The following SUPT3H variants were observed in gnomAD, a reference collection of about 807,000 sequenced individuals.
SUPT3H encodes SPT3 homolog, SAGA and STAGA complex component.
In SUPT3H, 44 loss-of-function variants were observed where a neutral mutation model predicts 44.3. The observed-to-expected ratio is 0.99, with a 90% CI of 0.78 to 1.28. SUPT3H has a LOEUF of 1.28. Ranked by LOEUF, SUPT3H falls within the 50% of genes most tolerant of loss-of-function variation. The pLI, the probability that SUPT3H is intolerant of heterozygous loss-of-function variation, is 0.00. For synonymous variants in SUPT3H, 124 were observed against 125.6 expected (o/e 0.99, Z 0.09); for missense variants, 380 against 387.1 (o/e 0.98, Z 0.15).
chr6:45,340,395 C>T lies in SUPT3H; in HGVS notation c.101+24806G>A, dbSNP rs562608351. On this transcript the variant is annotated intron_variant, in intron 2 of 10. Transcript: ENST00000371459. Reference sequence around the variant, plus strand: ...CTAGAGTGCACTGGCATGATCACAGCTCACTGCAACTTTGACCTCCTGAGC... The same window carrying T: ...CTAGAGTGCACTGGCATGATCACAGTTCACTGCAACTTTGACCTCCTGAGC... Among the ~76,000 whole-genome samples, 14 of 152,258 alleles carry T rather than the reference C, an allele frequency of 9.2e-5. No individual in the cohort carries two copies. The South Asian group carries it at 2.9e-3, about 32-fold the overall frequency.
rs574109169 is a variant in SUPT3H, at chr6:45,133,580, C to T, written c.102-27574G>A. ...TGAAAAACAACAACAACTATTTCAG[C>T]ACTCAGAAAACCAACCATAGGCTTA... On this transcript the variant is annotated intron_variant, in intron 2 of 10. Transcript: ENST00000371459. Among the ~76,000 whole-genome samples the T allele has an allele frequency of 5.3e-4, 81 of 152,260 alleles. No individual in the cohort carries two copies. In the South Asian group the frequency reaches 0.016, roughly 30 times the overall value.
chr6:44,890,929 A>G (rs1582270227), intron 10 of SUPT3H, among the ~76,000 whole-genome samples: 2 of 151,980 alleles, frequency 1.3e-5, no homozygotes, highest in East Asian at 3.9e-4. Flanking sequence ...GAGTTGAACA[A>G]TAAGAACACA....
chr6:45,126,647 G>A (rs1000827938), intron 2 of SUPT3H, among the ~76,000 whole-genome samples: 2 of 152,168 alleles, frequency 1.3e-5, no homozygotes, highest in African/African-American at 4.8e-5. Context: ...GAAGAACAGT[G>A]TTAGCGATGT....
intron 2 of SUPT3H, among the ~76,000 whole-genome samples, chr6:45,123,879 T>C (rs1012326590): frequency 2.6e-5 from 4 of 152,200 alleles, no homozygotes; most frequent in African/African-American, 7.2e-5. Context: ...CTCACATAAT[T>C]TCATCTCATG....
rs373038033 is a variant in SUPT3H at position 45,069,941 on chromosome 6, C to T, written c.186+35981G>A. On this transcript the variant is annotated intron_variant, in intron 3 of 10. Transcript: ENST00000371459. The stretch of plus-strand genomic sequence containing the variant: ...GCCTGCCAACAGCTGCGGGTAGCAG[C>T]ATTTCTAACTGCCAGAAGAGGAAAA... Among the ~76,000 whole-genome samples the T allele has an allele frequency of 2.0e-5, 3 of 152,242 alleles. No individual in the cohort carries two copies. In the East Asian group the frequency reaches 5.8e-4, roughly 29 times the overall value.
chr6:45,285,686 T>C (rs1208307377), intron 2 of SUPT3H, among the ~76,000 whole-genome samples: 1 of 152,104 alleles, frequency 6.6e-6, no homozygotes, highest in Non-Finnish European at 1.5e-5. Context: ...ATTTATAGAT[T>C]CAATGCCATC....
At chr6:45,170,901 T>C (rs991727640) in intron 2 of SUPT3H, among the ~76,000 whole-genome samples, 20 of 152,222 alleles carry the variant, frequency 1.3e-4, no homozygotes, top group Admixed American at 7.8e-4. Flanking sequence ...AGCCCAATAT[T>C]CATGACAATA....
chr6:44,891,166 G>T (rs1488732121), intron 10 of SUPT3H, among the ~76,000 whole-genome samples: 1 of 152,010 alleles, frequency 6.6e-6, no homozygotes, highest in Non-Finnish European at 1.5e-5. Flanking sequence ...GTCAAAAAAA[G>T]AAATAAAAAA....
chr6:44,966,561 A>G (rs1437331322), intron 6 of SUPT3H, among the ~76,000 whole-genome samples: 1 of 152,106 alleles, frequency 6.6e-6, no homozygotes, highest in Non-Finnish European at 1.5e-5. Flanking sequence ...GTTAATAAAG[A>G]GGCAAAACTA....
At chr6:44,886,763 A>G (rs1762360796) in intron 10 of SUPT3H, among the ~76,000 whole-genome samples, 2 of 152,178 alleles carry the variant, frequency 1.3e-5, no homozygotes, top group Non-Finnish European at 2.9e-5. Flanking sequence ...ATTCACACAT[A>G]ACAATATTAA....
intron 10 of SUPT3H, among the ~76,000 whole-genome samples, chr6:44,838,088 A>AAGAC (rs1210059924): frequency 6.6e-6 from 1 of 152,230 alleles, no homozygotes; most frequent in East Asian, 1.9e-4. Flanking sequence ...GAATTCTTTA[A>AAGAC]AGACAATAAA....
intron 3 of SUPT3H, among the ~76,000 whole-genome samples, chr6:45,093,935 T>C (rs1195804245): frequency 6.6e-6 from 1 of 152,044 alleles, no homozygotes; most frequent in Non-Finnish European, 1.5e-5. Context: ...TTTAATAGAG[T>C]AGTGAAAGCA....
chr6:45,143,334 A>C (rs1189401801), intron 2 of SUPT3H, among the ~76,000 whole-genome samples: 1 of 152,146 alleles, frequency 6.6e-6, no homozygotes, highest in Non-Finnish European at 1.5e-5. Flanking sequence ...ATACAACAAA[A>C]TCAAAAGTAT....
intron 2 of SUPT3H, among the ~76,000 whole-genome samples, chr6:45,110,539 T>C (rs551728662): frequency 7.4e-4 from 111 of 150,054 alleles, no homozygotes; most frequent in African/African-American, 2.7e-3. Flanking sequence ...ACAGAACCCC[T>C]TTTCAGTGCT....
At chr6:45,077,233 T>G (rs541888598) in intron 3 of SUPT3H, among the ~76,000 whole-genome samples, 5 of 152,320 alleles carry the variant, frequency 3.3e-5, no homozygotes, top group African/African-American at 9.6e-5. Flanking sequence ...TATTCATTCC[T>G]GAACAGACCA....
intron 2 of SUPT3H, among the ~76,000 whole-genome samples, chr6:45,294,639 C>T (rs1033319710): frequency 3.7e-5 from 5 of 136,194 alleles, no homozygotes; most frequent in Non-Finnish European, 6.1e-5. Flanking sequence ...TTCCCGGACA[C>T]AAAATTATTG....
intron 10 of SUPT3H, among the ~76,000 whole-genome samples, chr6:44,842,515 G>A (rs1336341405): frequency 2.0e-5 from 3 of 152,028 alleles, no homozygotes; most frequent in African/African-American, 7.2e-5. Context: ...CTGTCCAATT[G>A]TCTTGGGATT....
At chr6:44,897,399 T>C (rs1368603365) in intron 10 of SUPT3H, among the ~76,000 whole-genome samples, 1 of 152,234 alleles carries the variant, frequency 6.6e-6, no homozygotes, top group African/African-American at 2.4e-5. Context: ...CTGAACTATG[T>C]TCAGCAGTTC....
At chr6:45,278,901 C>T (rs183492603) in intron 2 of SUPT3H, among the ~76,000 whole-genome samples, 1 of 151,992 alleles carries the variant, frequency 6.6e-6, no homozygotes, top group East Asian at 1.9e-4. Context: ...GACCTTCAAG[C>T]AACACAAAAA....
Sources: allele counts gnomAD v4.1 joint callset (sites outside exome capture counted in the v4.1 genomes callset), GRCh38; gene constraint gnomAD v4.1.1; transcripts MANE v1.5; gene names NCBI Gene and HGNC (gene_info 2026-07-23, HGNC 2026-07-21).